ERBB4: variants seen among roughly 807,000 people sequenced by gnomAD.
ERBB4 encodes the protein erb-b2 receptor tyrosine kinase 4, also known as receptor tyrosine-protein kinase erbB-4.
ERBB4 carries 42 observed loss-of-function variants against 158.0 expected under a neutral mutation model. That is an observed-to-expected ratio of 0.27 (90% CI 0.21 to 0.34). ERBB4 has a LOEUF of 0.34. Among genes scored for constraint, ERBB4 ranks in the 10% least tolerant of loss-of-function variants. ERBB4 has a pLI of 1.00. For synonymous variants in ERBB4, 583 were observed against 558.7 expected (o/e 1.04, Z -0.61); for missense variants, 1,333 against 1,624.1 (o/e 0.82, Z 3.08).
chr2:211,492,537 GA>G (rs2065370215), intron 20 of ERBB4, among the ~76,000 whole-genome samples: 2 of 152,032 alleles, frequency 1.3e-5, no homozygotes, highest in South Asian at 4.1e-4. Flanking sequence ...TAATGCCGAT[GA>G]AAAACCTGTG....
chr2:211,635,442 TA>T (rs1257946193), intron 16 of ERBB4, among the ~76,000 whole-genome samples: 1 of 152,208 alleles, frequency 6.6e-6, no homozygotes, highest in African/African-American at 2.4e-5. Flanking sequence ...CTTTCCAAGC[TA>T]TATTACTCAT....
At chr2:211,563,909 G>T (rs958534410) in intron 19 of ERBB4, among the ~76,000 whole-genome samples, 5 of 152,100 alleles carry the variant, frequency 3.3e-5, no homozygotes, top group African/African-American at 1.2e-4. Flanking sequence ...CTATATGAAG[G>T]TACAGTGTTC....
At chr2:211,548,454 T>G (rs577216899) in intron 20 of ERBB4, among the ~76,000 whole-genome samples, 1 of 152,218 alleles carries the variant, frequency 6.6e-6, no homozygotes, top group South Asian at 2.1e-4. Context: ...TAAGCTCATT[T>G]AAAAAATTAT....
intron 3 of ERBB4, among the ~76,000 whole-genome samples, chr2:211,899,924 G>T (rs978973662): frequency 6.6e-6 from 1 of 151,978 alleles, no homozygotes; most frequent in Admixed American, 6.6e-5. Flanking sequence ...TGGAATAAAC[G>T]GAAAGGCAAA....
At position 211,822,279 on chromosome 2, in the gene ERBB4, A is replaced by G. The variant is rs190249959; in HGVS notation, c.422-34120T>C. 7.4e-4 allele frequency among the ~76,000 whole-genome samples: 112 copies of G among 152,084 alleles called. 1 individual carries two copies. Among genetic ancestry groups the G allele is most frequent in the Admixed American group, 7.4e-3 (112 of 15,224 alleles). ...TTAATAATAATATATAGTTTAAAAT[A>G]GCTAGAAGGAGAATATTGAATGCTC... On this transcript the variant is annotated intron_variant, in intron 3 of 27. Transcript: ENST00000342788.
chr2:211,929,936 CTATA>C (rs1204778427), intron 3 of ERBB4, among the ~76,000 whole-genome samples: 1 of 152,102 alleles, frequency 6.6e-6, no homozygotes, highest in Admixed American at 6.6e-5. Flanking sequence ...GGCTATTTTG[CTATA>C]TCTCTCTCTG....
intron 1 of ERBB4, among the ~76,000 whole-genome samples, chr2:212,382,811 G>T (rs2090551464): frequency 1.3e-5 from 2 of 151,156 alleles, no homozygotes; most frequent in Non-Finnish European, 3.0e-5. Context: ...TGCTAGAGAA[G>T]TTAAACAATT....
intron 1 of ERBB4, among the ~76,000 whole-genome samples, chr2:212,220,883 A>G (rs1476600507): frequency 6.6e-6 from 1 of 151,564 alleles, no homozygotes; most frequent in Admixed American, 6.6e-5. Flanking sequence ...GATCTCCATC[A>G]GCACAATGAT....
Position 212,221,982 on chromosome 2 carries a change from G to A in ERBB4, c.83-97079C>T, listed in dbSNP as rs113500267. Among the ~76,000 whole-genome samples the A allele has an allele frequency of 5.7e-4, 87 of 151,462 alleles. 1 individual carries two copies. Among genetic ancestry groups the A allele is most frequent in the East Asian group, 5.0e-3 (26 of 5,152 alleles). On this transcript the variant is annotated intron_variant, in intron 1 of 27. Coordinates refer to ENST00000342788, the MANE Select transcript of ERBB4 (RefSeq NM_005235.3). ...CAAAGTATCCACATCTACAGTATCC[G>A]TATGCACAGTGTCTGAAGCATAGTA...
intron 3 of ERBB4, among the ~76,000 whole-genome samples, chr2:211,839,100 C>A (rs2077405681): frequency 9.3e-6 from 1 of 107,566 alleles, no homozygotes; most frequent in Non-Finnish European, 1.9e-5. Flanking sequence ...AACAAAGAAG[C>A]AAAATATTGA....
rs201419322 is a variant in ERBB4 at position 211,562,073 on chromosome 2, C to A, written c.2317G>T (p.Ala773Ser). The A allele has an allele frequency of 1.2e-6, 2 of 1,613,504 alleles. No homozygotes were observed. The highest frequency in any genetic ancestry group is 1.7e-6 in the Non-Finnish European group (2 of 1,180,012). Reference sequence around the variant, plus strand: ...ACTAGGTGTGGATGATCCATACTTGCCATGATCAGAGCTTCCTGTAAGAAA... The same window carrying A: ...ACTAGGTGTGGATGATCCATACTTGACATGATCAGAGCTTCCTGTAAGAAA... Reference protein sequence around the residue: ...VEFMDEALIMASMDHPHLVRL... With the variant: ...VEFMDEALIMSSMDHPHLVRL... Residue 773 changes from alanine to serine, a missense_variant, in exon 20 of 28, where the codon GCA becomes TCA. This residue lies in a region of ERBB4 where 314 missense variants were observed against 437.6 expected (regional missense o/e 0.72). Transcript: ENST00000342788.
rs200843814 is a variant in ERBB4, at chr2:211,772,908, TAC to T, written c.556+15115_556+15116del. On this transcript the variant is annotated intron_variant, in intron 4 of 27. Coordinates refer to ENST00000342788, the MANE Select transcript of ERBB4 (RefSeq NM_005235.3). The stretch of plus-strand genomic sequence containing the variant: ...ATACACACACACACACATATATATA[TAC>T]ACACACACACACACATATATATATA... Among the ~76,000 whole-genome samples, 459 of 61,292 alleles carry T rather than the reference TAC, an allele frequency of 7.5e-3. 52 individuals carry two copies. In the East Asian group the frequency reaches 0.11, roughly 15 times the overall value. The allele number at this position is 61,292 out of a possible 152,430, so 40.2% of individuals were successfully genotyped here.
Position 211,484,909 on chromosome 2 carries a change from A to G in ERBB4, c.2488-53809T>C, listed in dbSNP as rs142689369. 7.7e-3 allele frequency among the ~76,000 whole-genome samples: 1,171 copies of G among 152,298 alleles called. 16 individuals are homozygous for G. The highest frequency in any genetic ancestry group is 0.027 in the African/African-American group (1,118 of 41,564). ...TGCATGTATCCTCACAACCTGGACA[A>G]GTTGAACAGTCCAGCAGTGGCTACC... On this transcript the variant is annotated intron_variant, in intron 20 of 27. Coordinates refer to ENST00000342788, the MANE Select transcript of ERBB4 (RefSeq NM_005235.3).
chr2:212,525,745 TTTTG>T (rs900771526), intron 1 of ERBB4, among the ~76,000 whole-genome samples: 62 of 151,942 alleles, frequency 4.1e-4, no homozygotes, highest in African/African-American at 1.5e-3. Flanking sequence ...AGGTTTTGAG[TTTTG>T]TTTGTTTTGT....
intron 1 of ERBB4, among the ~76,000 whole-genome samples, chr2:212,383,870 A>T (rs1474770515): frequency 6.6e-6 from 1 of 151,672 alleles, no homozygotes; most frequent in Non-Finnish European, 1.5e-5. Flanking sequence ...TCACAGATTA[A>T]TTTTAAGGAC....
At chr2:211,622,105 C>T (rs571022528) in intron 18 of ERBB4, among the ~76,000 whole-genome samples, 29 of 152,136 alleles carry the variant, frequency 1.9e-4, no homozygotes, top group Non-Finnish European at 3.8e-4. Flanking sequence ...ATCAAGACTG[C>T]AATTTAGGAC....
intron 19 of ERBB4, among the ~76,000 whole-genome samples, chr2:211,582,045 A>G (rs565130838): frequency 1.6e-4 from 25 of 152,086 alleles, no homozygotes; most frequent in Non-Finnish European, 2.9e-4. Context: ...GTATTGGTCA[A>G]TCTTGCCCAT....
At chr2:212,495,201 T>C (rs1690493236) in intron 1 of ERBB4, among the ~76,000 whole-genome samples, 1 of 152,150 alleles carries the variant, frequency 6.6e-6, no homozygotes, top group South Asian at 2.1e-4. Flanking sequence ...TTGTCAAGAT[T>C]GTTTTTTCCT....
At chr2:211,799,136 C>T (rs2076444523) in intron 3 of ERBB4, among the ~76,000 whole-genome samples, 1 of 152,104 alleles carries the variant, frequency 6.6e-6, no homozygotes, top group African/African-American at 2.4e-5. Flanking sequence ...TACAAGAGAG[C>T]TGAGCTCTTT....
Sources: gnomAD v4.1 joint callset for allele counts (sites outside exome capture counted in the v4.1 genomes callset) on GRCh38, gnomAD v4.1.1 for gene constraint, gnomAD v4.1.1 regional missense constraint, MANE v1.5 for transcripts, NCBI Gene and HGNC (gene_info 2026-07-23, HGNC 2026-07-21) for gene names.